Variants in AUTS2 observed in about 807,000 individuals in gnomAD.
The protein encoded by AUTS2 is activator of transcription and developmental regulator AUTS2.
AUTS2 carries 17 observed loss-of-function variants against 112.4 expected under a neutral mutation model. The observed-to-expected ratio is 0.15, with a 90% CI of 0.10 to 0.23. The LOEUF (loss-of-function observed/expected upper bound fraction) is 0.23, where lower values mean the gene tolerates loss of function less well. AUTS2 is among the 10% of genes least tolerant of loss of function. The probability of loss-of-function intolerance (pLI) is 1.00; values close to 1 mark genes in which losing one functional copy is unlikely to be tolerated. For synonymous variants in AUTS2, 751 were observed against 702.7 expected (o/e 1.07, Z -1.09); for missense variants, 1,510 against 1,701.6 (o/e 0.89, Z 1.98).
rs567311145 is a variant in AUTS2, at chr7:70,298,252, G to A, written c.661-137500G>A. Among the ~76,000 whole-genome samples the A allele has an allele frequency of 3.9e-5, 6 of 152,040 alleles. No individual in the cohort carries two copies. The South Asian group carries it at 8.3e-4, about 21-fold the overall frequency. On this transcript the variant is annotated intron_variant, in intron 4 of 18. Transcript: ENST00000342771. The stretch of plus-strand genomic sequence containing the variant: ...TCACCATGTTGGCCAGACTGGTCTC[G>A]AACTCCTGACCTTAGGTGATCCACC...
intron 2 of AUTS2, among the ~76,000 whole-genome samples, chr7:69,906,500 C>T (rs1795153347): frequency 6.6e-6 from 1 of 152,172 alleles, no homozygotes; most frequent in Non-Finnish European, 1.5e-5. Flanking sequence ...ATGGTGGTGA[C>T]AGGCGACTCA....
chr7:70,651,699 G>A (rs1806515998), intron 5 of AUTS2, among the ~76,000 whole-genome samples: 1 of 152,208 alleles, frequency 6.6e-6, no homozygotes, highest in Non-Finnish European at 1.5e-5. Flanking sequence ...CCAGCATAAA[G>A]TCGAAAAATC....
intron 4 of AUTS2, among the ~76,000 whole-genome samples, chr7:70,364,671 T>G (rs1011668355): frequency 7.2e-5 from 11 of 151,796 alleles, no homozygotes; most frequent in African/African-American, 2.7e-4. Context: ...TTAAATAAAT[T>G]TATTAACTTC....
chr7:69,779,590 T>C (rs1372512568), intron 1 of AUTS2, among the ~76,000 whole-genome samples: 3 of 151,674 alleles, frequency 2.0e-5, no homozygotes, highest in African/African-American at 7.3e-5. Flanking sequence ...GGTGAAACCT[T>C]GTCTCAACTA....
At chr7:70,729,557 A>T (rs186616257) in intron 6 of AUTS2, among the ~76,000 whole-genome samples, 1 of 152,330 alleles carries the variant, frequency 6.6e-6, no homozygotes, top group East Asian at 1.9e-4. Flanking sequence ...GGTAGGACCC[A>T]GGTCTTACTC....
intron 2 of AUTS2, among the ~76,000 whole-genome samples, chr7:70,074,063 A>T (rs913533743): frequency 3.9e-5 from 6 of 152,268 alleles, no homozygotes; most frequent in African/African-American, 9.6e-5. Flanking sequence ...ACTGCATTTT[A>T]TTCTCAAAAT....
At chr7:70,240,535 G>T (rs770338566) in intron 4 of AUTS2, among the ~76,000 whole-genome samples, 2 of 152,146 alleles carry the variant, frequency 1.3e-5, no homozygotes, top group Admixed American at 6.5e-5. Context: ...CTCCGGTCTA[G>T]TATTACTAAC....
At chr7:70,373,406 G>T (rs1422868202) in intron 4 of AUTS2, among the ~76,000 whole-genome samples, 1 of 152,198 alleles carries the variant, frequency 6.6e-6, no homozygotes, top group Non-Finnish European at 1.5e-5. Flanking sequence ...CCTCTGCGAT[G>T]TGAATATTGG....
chr7:69,752,804 A>G (rs1009023692), intron 1 of AUTS2, among the ~76,000 whole-genome samples: 4 of 152,332 alleles, frequency 2.6e-5, no homozygotes, highest in African/African-American at 9.6e-5. Flanking sequence ...AGAGACTAAT[A>G]GAAATTTCTA....
chr7:70,374,849 C>T (rs932310220), intron 4 of AUTS2, among the ~76,000 whole-genome samples: 19 of 152,060 alleles, frequency 1.2e-4, no homozygotes, highest in African/African-American at 4.6e-4. Flanking sequence ...TGGACATGTG[C>T]GTGCACACAG....
chr7:70,628,881 G>T (rs1384292190), intron 5 of AUTS2, among the ~76,000 whole-genome samples: 1 of 152,112 alleles, frequency 6.6e-6, no homozygotes, highest in Non-Finnish European at 1.5e-5. Flanking sequence ...ATAGATGGCG[G>T]TGTCTTCCCT....
chr7:70,547,047 T>C (rs939115364), intron 5 of AUTS2, among the ~76,000 whole-genome samples: 1 of 152,214 alleles, frequency 6.6e-6, no homozygotes, highest in Non-Finnish European at 1.5e-5. Flanking sequence ...AGTGTATAAT[T>C]CAGTGATTTT....
At chr7:70,498,647 C>T (rs933050675) in intron 5 of AUTS2, among the ~76,000 whole-genome samples, 1 of 152,074 alleles carries the variant, frequency 6.6e-6, no homozygotes, top group East Asian at 1.9e-4. Flanking sequence ...TTAACTGGAG[C>T]CTGTTCAAAC....
chr7:70,083,011 C>T (rs187776251), intron 2 of AUTS2, among the ~76,000 whole-genome samples: 1 of 152,262 alleles, frequency 6.6e-6, no homozygotes, highest in East Asian at 1.9e-4. Context: ...AATTTTCTGA[C>T]CCTGTTGACC....
chr7:69,981,633 A>C (rs1447809065), intron 2 of AUTS2, among the ~76,000 whole-genome samples: 3 of 152,204 alleles, frequency 2.0e-5, no homozygotes, highest in Admixed American at 2.0e-4. Context: ...ATCAGCGCTT[A>C]AGAGTCTTGA....
chr7:69,645,371 C>T (rs1040429272), intron 1 of AUTS2, among the ~76,000 whole-genome samples: 1 of 152,040 alleles, frequency 6.6e-6, no homozygotes, highest in Non-Finnish European at 1.5e-5. Flanking sequence ...AAGGGGAGGA[C>T]TCAGAAGTGA....
At chr7:70,628,512 A>G (rs1233345591) in intron 5 of AUTS2, among the ~76,000 whole-genome samples, 2 of 152,170 alleles carry the variant, frequency 1.3e-5, no homozygotes, top group East Asian at 1.9e-4. Context: ...ATTATAATTT[A>G]TCATTGAAAC....
intron 2 of AUTS2, among the ~76,000 whole-genome samples, chr7:70,039,552 T>C (rs1475259221): frequency 2.6e-5 from 4 of 152,226 alleles, no homozygotes; most frequent in Admixed American, 1.3e-4. Context: ...GGTTTTGCCA[T>C]GTTGGCCAGG....
intron 5 of AUTS2, among the ~76,000 whole-genome samples, chr7:70,591,404 G>GTTTGTTTGTTTA (rs1802939495): frequency 6.6e-6 from 1 of 151,944 alleles, no homozygotes; most frequent in South Asian, 2.1e-4. Context: ...TTGTTTGTTT[G>GTTTGTTTGTTTA]TTTGTTTGTT....
Sources: gnomAD v4.1 joint callset for allele counts (sites outside exome capture counted in the v4.1 genomes callset) on GRCh38, gnomAD v4.1.1 for gene constraint, MANE v1.5 for transcripts, NCBI Gene and HGNC (gene_info 2026-07-23, HGNC 2026-07-21) for gene names.